The following EDIL3 variants were observed in gnomAD, a reference collection of about 807,000 sequenced individuals.
EDIL3 encodes EGF-like repeat and discoidin I-like domain-containing protein 3.
A neutral mutation model predicts 67.4 loss-of-function variants in EDIL3; 37 were observed. That is an observed-to-expected ratio of 0.55 (90% CI 0.42 to 0.72). The LOEUF (loss-of-function observed/expected upper bound fraction) is 0.72, where lower values mean the gene tolerates loss of function less well. EDIL3 is among the 30% of genes least tolerant of loss of function. The pLI, the probability that EDIL3 is intolerant of heterozygous loss-of-function variation, is 0.00. For synonymous variants in EDIL3, 195 were observed against 196.3 expected, an observed-to-expected ratio of 0.99 and a Z score of 0.05; for missense variants, 527 against 586.3, an observed-to-expected ratio of 0.90 and a Z score of 1.04.
intron 1 of EDIL3, among the ~76,000 whole-genome samples, chr5:84,282,460 T>C (rs1185298019): frequency 1.3e-5 from 2 of 152,216 alleles, no homozygotes; most frequent in East Asian, 3.9e-4. Context: ...TACACTTTAG[T>C]TGCTTTATAG....
At chr5:84,050,807 G>T (rs1403336814) in intron 9 of EDIL3, among the ~76,000 whole-genome samples, 1 of 152,194 alleles carries the variant, frequency 6.6e-6, no homozygotes, top group Non-Finnish European at 1.5e-5. Context: ...GGTAAACAAA[G>T]CAGCCAGGAA....
intron 9 of EDIL3, chr5:84,048,234 G>T: frequency 2.3e-6 from 1 of 441,190 alleles, no homozygotes; most frequent in South Asian, 1.6e-5. Flanking sequence ...CCAGTGGCCT[G>T]GTGGTCACTT....
intron 4 of EDIL3, among the ~76,000 whole-genome samples, chr5:84,151,763 T>C (rs1748398456): frequency 6.6e-6 from 1 of 152,138 alleles, no homozygotes; most frequent in Non-Finnish European, 1.5e-5. Context: ...CCCTAACTGT[T>C]CTTTTCCAGA....
chr5:84,161,466 A>T (rs1343694090), intron 4 of EDIL3, among the ~76,000 whole-genome samples: 1 of 152,028 alleles, frequency 6.6e-6, no homozygotes, highest in South Asian at 2.1e-4. Context: ...TTAAAAAAAG[A>T]GCTTCACAGT....
chr5:84,304,456 T>A (rs1364586408), intron 1 of EDIL3, among the ~76,000 whole-genome samples: 12 of 152,242 alleles, frequency 7.9e-5, no homozygotes, highest in Non-Finnish European at 1.5e-4. Context: ...AAATGGTGAA[T>A]GTCAGCTTGC....
chr5:84,207,137 C>A (rs1474451127), intron 3 of EDIL3, among the ~76,000 whole-genome samples: 1 of 152,104 alleles, frequency 6.6e-6, no homozygotes, highest in Non-Finnish European at 1.5e-5. Flanking sequence ...GATTGTATAT[C>A]CAGAAAACCC....
At chr5:84,342,218 A>T (rs1580089346) in intron 1 of EDIL3, among the ~76,000 whole-genome samples, 1 of 152,072 alleles carries the variant, frequency 6.6e-6, no homozygotes, top group East Asian at 1.9e-4. Flanking sequence ...ACATGAGTGG[A>T]ATTGGAAGCC....
chr5:84,151,129 TATC>T (rs777765949), intron 4 of EDIL3, among the ~76,000 whole-genome samples: 2 of 152,080 alleles, frequency 1.3e-5, no homozygotes, highest in Non-Finnish European at 2.9e-5. Context: ...TGTCAAAACA[TATC>T]ATATTGTACA....
intron 10 of EDIL3, among the ~76,000 whole-genome samples, chr5:83,945,645 T>C (rs1053446907): frequency 1.3e-5 from 2 of 151,890 alleles, no homozygotes; most frequent in African/African-American, 4.8e-5. Context: ...GAATTATTAA[T>C]TATACTTATT....
chr5:84,377,130 C>T (rs372337174), intron 1 of EDIL3, among the ~76,000 whole-genome samples: 98 of 151,990 alleles, frequency 6.4e-4, no homozygotes, highest in African/African-American at 1.9e-3. Context: ...ATTGAGACCA[C>T]CCTGGCTAAC....
intron 5 of EDIL3, among the ~76,000 whole-genome samples, chr5:84,122,326 C>G (rs1747791026): frequency 6.6e-6 from 1 of 151,896 alleles, no homozygotes; most frequent in African/African-American, 2.4e-5. Context: ...ATATGTCAGG[C>G]ATTTTGGCCT....
intron 5 of EDIL3, among the ~76,000 whole-genome samples, chr5:84,127,331 A>C (rs913091236): frequency 6.6e-6 from 1 of 152,082 alleles, no homozygotes; most frequent in Non-Finnish European, 1.5e-5. Flanking sequence ...TGGATACTTT[A>C]TGTTTCCATT....
intron 1 of EDIL3, among the ~76,000 whole-genome samples, chr5:84,282,093 G>A (rs1028503492): frequency 1.3e-5 from 2 of 150,822 alleles, no homozygotes; most frequent in Non-Finnish European, 2.9e-5. Flanking sequence ...GGCTGGTCTC[G>A]AACTCCTGAG....
At chr5:84,339,578 G>C (rs1747057046) in intron 1 of EDIL3, among the ~76,000 whole-genome samples, 1 of 150,482 alleles carries the variant, frequency 6.6e-6, no homozygotes, top group Non-Finnish European at 1.5e-5. Flanking sequence ...CTTATTCCCT[G>C]AGGTATACTG....
chr5:84,170,223 A>G (rs1748790350), intron 4 of EDIL3, among the ~76,000 whole-genome samples: 2 of 152,216 alleles, frequency 1.3e-5, no homozygotes, highest in Admixed American at 6.5e-5. Flanking sequence ...TCTGTCTCCA[A>G]ATAGCCTGAG....
chr5:84,249,666 C>G (rs1017401435), intron 2 of EDIL3, among the ~76,000 whole-genome samples: 4 of 151,878 alleles, frequency 2.6e-5, no homozygotes, highest in Admixed American at 6.6e-5. Flanking sequence ...CGTTAATATA[C>G]TATGTATTTG....
chr5:84,208,812 T>C (rs1268290679), intron 3 of EDIL3, among the ~76,000 whole-genome samples: 1 of 151,200 alleles, frequency 6.6e-6, no homozygotes, highest in Non-Finnish European at 1.5e-5. Context: ...TGGAAGTCAG[T>C]GTGGCGATTC....
chr5:83,966,326 T>C (rs566683704), intron 9 of EDIL3, among the ~76,000 whole-genome samples: 3 of 152,238 alleles, frequency 2.0e-5, no homozygotes, highest in South Asian at 2.1e-4. Flanking sequence ...TTTTGCTGAA[T>C]TGAGTTGGGA....
At chr5:84,381,781 C>G (rs1748080170) in intron 1 of EDIL3, among the ~76,000 whole-genome samples, 1 of 152,100 alleles carries the variant, frequency 6.6e-6, no homozygotes, top group South Asian at 2.1e-4. Context: ...TTAGAGCAAC[C>G]CATACCGTGA....
Sources: gnomAD v4.1 joint callset for allele counts (sites outside exome capture counted in the v4.1 genomes callset) on GRCh38, gnomAD v4.1.1 for gene constraint, MANE v1.5 for transcripts, NCBI Gene and HGNC (gene_info 2026-07-23, HGNC 2026-07-21) for gene names.